Variants in IARS1 observed in about 807,000 individuals in gnomAD.
IARS1 encodes the protein isoleucyl-tRNA synthetase 1.
IARS1 carries 124 observed loss-of-function variants against 168.2 expected under a neutral mutation model. The observed-to-expected ratio is 0.74, with a 90% CI of 0.64 to 0.86. The LOEUF (loss-of-function observed/expected upper bound fraction) is 0.86. Ranked by LOEUF, IARS1 falls within the 40% of genes least tolerant of loss-of-function variation. The pLI is 0.00. For missense variants in IARS1, 1,452 were observed against 1,515.8 expected (o/e 0.96, Z 0.70); for synonymous variants, 532 against 529.4 (o/e 1.00, Z -0.07).
At chr9:92,223,261 A>G in intron 32 of IARS1, 85 bp downstream of exon 32, 1 of 1,292,748 alleles carries the variant, frequency 7.7e-7, no homozygotes, top group Admixed American at 2.4e-5. Context: ...TTTGAAGCCG[A>G]CTAGAAATAC....
At chr9:92,262,373 A>C (rs1051101073) in intron 17 of IARS1, among the ~76,000 whole-genome samples, 2 of 152,162 alleles carry the variant, frequency 1.3e-5, no homozygotes, top group Non-Finnish European at 2.9e-5. Flanking sequence ...ACTCAGCACA[A>C]ATTCTATTTT....
intron 16 of IARS1, among the ~76,000 whole-genome samples, chr9:92,263,642 C>A (rs544889114): frequency 2.0e-5 from 3 of 152,262 alleles, no homozygotes; most frequent in Admixed American, 1.3e-4. Context: ...CTGAGGAGAC[C>A]AGACCCCATA....
Position 92,222,517 on chromosome 9 carries a change from T to TA in IARS1, c.3706+2dup. 1 of 1,613,486 alleles carries TA rather than the reference T, an allele frequency of 6.2e-7. No homozygotes were observed. The highest frequency in any genetic ancestry group is 1.1e-5 in the South Asian group (1 of 90,926). On this transcript the variant is annotated splice_region_variant and intron_variant, in intron 33 of 33. Coordinates refer to ENST00000443024, the MANE Select transcript of IARS1 (RefSeq NM_002161.6). ...AAAAACTTACGGTCCACAATCTCCT[T>TA]ACCCTGCGTTTGGGTCTCATTCAGA...
intron 18 of IARS1, 38 bp downstream of exon 18, chr9:92,260,113 A>C (rs1475507367): frequency 7.1e-6 from 10 of 1,414,408 alleles, no homozygotes; most frequent in Non-Finnish European, 9.0e-6. Flanking sequence ...TACATAAAAA[A>C]ACAATAGATA....
chr9:92,232,191 T>C (rs1826817065), intron 30 of IARS1, among the ~76,000 whole-genome samples: 2 of 152,234 alleles, frequency 1.3e-5, no homozygotes, highest in African/African-American at 4.8e-5. Context: ...TTGTGTTATG[T>C]CTACTCAAAA....
At chr9:92,244,851 T>C (rs1339943634) in intron 27 of IARS1, 108 bp downstream of exon 27, 1 of 802,304 alleles carries the variant, frequency 1.2e-6, no homozygotes, top group Non-Finnish European at 2.0e-6. Context: ...TGGTTTATTT[T>C]ACCCTGAGAC....
At chr9:92,218,097 C>T (rs1455191653) in intron 33 of IARS1, among the ~76,000 whole-genome samples, 1 of 152,116 alleles carries the variant, frequency 6.6e-6, no homozygotes, top group Non-Finnish European at 1.5e-5. Flanking sequence ...GGCTTCATCC[C>T]TGGGATGCAA....
chr9:92,234,700 T>C (rs1827221989), intron 30 of IARS1, among the ~76,000 whole-genome samples: 1 of 152,150 alleles, frequency 6.6e-6, no homozygotes, highest in South Asian at 2.1e-4. Context: ...ACAACATCAC[T>C]GAAGTTGCAA....
chr9:92,243,942 G>A (rs1197550823), intron 27 of IARS1, among the ~76,000 whole-genome samples: 2 of 152,170 alleles, frequency 1.3e-5, no homozygotes, highest in African/African-American at 4.8e-5. Context: ...GCATGTTGCA[G>A]AGTAAAATAT....
chr9:92,284,010 T>G (rs1835046452), intron 6 of IARS1, among the ~76,000 whole-genome samples: 1 of 151,942 alleles, frequency 6.6e-6, no homozygotes, highest in East Asian at 1.9e-4. Flanking sequence ...GTGAAACCAC[T>G]CCTATAGAAA....
chr9:92,256,750 G>C lies in IARS1; in HGVS notation c.2067C>G (p.Pro689=). The C allele has an allele frequency of 6.2e-7, 1 of 1,613,740 alleles. No homozygotes were observed. Among genetic ancestry groups the C allele is most frequent in the Non-Finnish European group, 8.5e-7 (1 of 1,179,706 alleles). ...LYNENTVRES[P]NITDRWILSF... is the part of the protein sequence containing the mutation. ...ACAGGATCCACCGGTCTGTAATGTT[G>C]GGGCTTTCTCTAACCGTGTTCTCAT... is the stretch of plus-strand genomic sequence containing the variant. Residue 689 remains proline (P), a synonymous_variant, in exon 20 of 34, where the codon CCC becomes CCG. Transcript: ENST00000443024.
chr9:92,258,848 C>T lies in IARS1; in HGVS notation c.2016+6G>A, dbSNP rs1831111484. On this transcript the variant is annotated splice_donor_region_variant and intron_variant, in intron 19 of 33. Coordinates refer to ENST00000443024, the MANE Select transcript of IARS1 (RefSeq NM_002161.6). Reference sequence around the variant, plus strand: ...AGGTACATGTGCAGCCCCCTACAGCCCATACCTTCTGGAGCCTCAGAACGT... The same window carrying T: ...AGGTACATGTGCAGCCCCCTACAGCTCATACCTTCTGGAGCCTCAGAACGT... The T allele has an allele frequency of 5.6e-6, 9 of 1,603,202 alleles. No individual in the cohort carries two copies. The highest frequency in any genetic ancestry group is 6.8e-6 in the Non-Finnish European group (8 of 1,175,870).
intron 21 of IARS1, chr9:92,252,466 T>A: frequency 2.1e-6 from 1 of 482,900 alleles, no homozygotes; most frequent in African/African-American, 1.9e-5. Flanking sequence ...TTATTATTAA[T>A]GCCTTTTAAG....
At chr9:92,288,378 G>T in intron 2 of IARS1, 96 bp from the exon 3 acceptor site, 1 of 963,340 alleles carries the variant, frequency 1.0e-6, no homozygotes, top group Non-Finnish European at 1.6e-6. Flanking sequence ...AGTCTTCAAG[G>T]AGAAAAGCAG....
At chr9:92,277,987 C>A in intron 8 of IARS1, 64 bp from the exon 9 acceptor site, 2 of 1,425,538 alleles carry the variant, frequency 1.4e-6, no homozygotes, top group South Asian at 2.3e-5. Context: ...GCAGCCACAT[C>A]AAGCTACCAC....
intron 6 of IARS1, among the ~76,000 whole-genome samples, chr9:92,283,139 C>G (rs1202847284): frequency 6.6e-6 from 1 of 152,094 alleles, no homozygotes; most frequent in Non-Finnish European, 1.5e-5. Flanking sequence ...TTTTAAAAAC[C>G]CTTGGTTAAC....
At chr9:92,276,006 T>G (rs982817734) in intron 9 of IARS1, among the ~76,000 whole-genome samples, 6 of 152,042 alleles carry the variant, frequency 3.9e-5, no homozygotes, top group African/African-American at 9.7e-5. Context: ...TTTCAGGGGG[T>G]TGAGTTTTTG....
Position 92,288,242 on chromosome 9 carries a change from G to A in IARS1, c.160C>T (p.Pro54Ser). 1 of 1,613,936 alleles carries A rather than the reference G, an allele frequency of 6.2e-7. No homozygotes were observed. Among genetic ancestry groups the A allele is most frequent in the Non-Finnish European group, 8.5e-7 (1 of 1,179,846 alleles). The change falls in exon 3 of 34, where the codon CCT becomes TCT. Residue 54 changes from proline (P) to serine (S), a missense_variant. Pro to Ser is a moderately conservative substitution (Grantham distance 74). Transcript: ENST00000443024. Reference protein sequence around the residue: ...YDGPPFATGLPHYGHILAGTI... With the variant: ...YDGPPFATGLSHYGHILAGTI... ...CCCGCAAGTATATGTCCATAGTGAG[G>A]CAGTCCAGTTGCAAAAGGAGGACCA...
At chr9:92,213,306 G>A (rs956232700) in intron 33 of IARS1, among the ~76,000 whole-genome samples, 4 of 152,204 alleles carry the variant, frequency 2.6e-5, no homozygotes, top group Non-Finnish European at 5.9e-5. Flanking sequence ...TGAAGAAACT[G>A]GAACTTCAAA....
Sources: gnomAD v4.1 joint callset for allele counts (sites outside exome capture counted in the v4.1 genomes callset) on GRCh38, gnomAD v4.1.1 for gene constraint, MANE v1.5 for transcripts, NCBI Gene and HGNC (gene_info 2026-07-23, HGNC 2026-07-21) for gene names.